Variants in SHOC2 observed in about 807,000 individuals in gnomAD.
The protein encoded by SHOC2 is SHOC2 leucine rich repeat scaffold protein.
A neutral mutation model predicts 50.2 loss-of-function variants in SHOC2; 4 were observed. That is an observed-to-expected ratio of 0.08 (90% CI 0.04 to 0.18). The LOEUF (loss-of-function observed/expected upper bound fraction) is 0.18, where lower values mean the gene tolerates loss of function less well. Among genes scored for constraint, SHOC2 ranks in the 10% least tolerant of loss-of-function variants. The probability of loss-of-function intolerance (pLI) is 1.00; values close to 1 mark genes in which losing one functional copy is unlikely to be tolerated. For missense variants in SHOC2, 388 were observed against 669.6 expected, an observed-to-expected ratio of 0.58 and a Z score of 4.64; for synonymous variants, 218 against 244.5, an observed-to-expected ratio of 0.89 and a Z score of 1.01.
intron 2 of SHOC2, among the ~76,000 whole-genome samples, chr10:110,980,322 A>T (rs935079712): frequency 6.6e-6 from 1 of 151,870 alleles, no homozygotes; most frequent in Non-Finnish European, 1.5e-5. Context: ...ATGCCCGGCT[A>T]ATTTTTTGTG....
Position 110,964,276 on chromosome 10 carries a change from A to C in SHOC2, c.-83A>C. On this transcript the variant is annotated 5_prime_UTR_variant, in exon 2 of 9. Transcript: ENST00000369452. This position sits in a 1 kb window ranked among gnomAD's most constrained non-coding sequence, Gnocchi z 4.9. The stretch of plus-strand genomic sequence containing the variant: ...CAAGCCAGTACTTTTTTGATTGTGT[A>C]GGATCTTTGTCTCTTCATCTTTGAA... The C allele has an allele frequency of 6.5e-7, 1 of 1,546,770 alleles. No individual in the cohort carries two copies. The highest frequency in any genetic ancestry group is 1.4e-5 in the African/African-American group (1 of 72,202).
At chr10:110,990,578 C>T (rs991207447) in intron 3 of SHOC2, among the ~76,000 whole-genome samples, 5 of 151,954 alleles carry the variant, frequency 3.3e-5, no homozygotes, top group South Asian at 2.1e-4. Flanking sequence ...CACCAATCAG[C>T]GCCCTGACAA....
intron 2 of SHOC2, among the ~76,000 whole-genome samples, chr10:110,972,921 T>C (rs1026714578): frequency 6.6e-6 from 1 of 152,140 alleles, no homozygotes; most frequent in Non-Finnish European, 1.5e-5. Context: ...TTACTTTCCA[T>C]GTGGCTGAGG....
At chr10:111,001,218 C>T (rs113196505) in intron 4 of SHOC2, among the ~76,000 whole-genome samples, 28 of 144,538 alleles carry the variant, frequency 1.9e-4, no homozygotes, top group Non-Finnish European at 3.3e-4. Context: ...AGTGCAATGG[C>T]GCGATCTTGG....
intron 1 of SHOC2, among the ~76,000 whole-genome samples, chr10:110,941,061 A>G (rs1266786137): frequency 6.6e-6 from 1 of 151,506 alleles, no homozygotes; most frequent in African/African-American, 2.4e-5. Flanking sequence ...CCTCCCAAGT[A>G]GCTGAGACAA....
At chr10:111,001,175 G>A (rs1218134943) in intron 4 of SHOC2, among the ~76,000 whole-genome samples, 2 of 42,380 alleles carry the variant, frequency 4.7e-5, no homozygotes, top group African/African-American at 7.4e-5. Flanking sequence ...TTTTTTTTTT[G>A]AGGCAGAGTT....
At chr10:111,006,846 G>T (rs1848478170) in intron 5 of SHOC2, among the ~76,000 whole-genome samples, 1 of 152,164 alleles carries the variant, frequency 6.6e-6, no homozygotes, top group Non-Finnish European at 1.5e-5. Context: ...AGTTGTTATT[G>T]ATGAAAGTAT....
chr10:110,929,671 C>A (rs1846850925), intron 1 of SHOC2, among the ~76,000 whole-genome samples: 1 of 152,172 alleles, frequency 6.6e-6, no homozygotes, highest in South Asian at 2.1e-4. Context: ...AGTGAGAGAG[C>A]AAGTTCTCTG....
At chr10:110,965,584 T>A (rs1847658120) in intron 2 of SHOC2, among the ~76,000 whole-genome samples, 1 of 152,158 alleles carries the variant, frequency 6.6e-6, no homozygotes, top group South Asian at 2.1e-4. Flanking sequence ...ATCTTGAAAG[T>A]ACTTACATGT....
Position 110,964,121 on chromosome 10 carries a change from T to C in SHOC2, c.-234-4T>C. On this transcript the variant is annotated splice_polypyrimidine_tract_variant and splice_region_variant and intron_variant, in intron 1 of 8. Transcript: ENST00000369452. The surrounding 1 kb of genome is among the most constrained non-coding windows in gnomAD (Gnocchi z 4.9). ...AATTTAATACTGTCTATATTATATT[T>C]CAGGAACTCTAATGAATCATTGATT... 5 of 564,208 alleles carry C rather than the reference T, an allele frequency of 8.9e-6. No homozygotes were observed. The highest frequency in any genetic ancestry group is 4.6e-4 in the Middle Eastern group (1 of 2,174). The allele number at this position is 564,208 out of a possible 1,614,324, so 35.0% of individuals were successfully genotyped here.
intron 1 of SHOC2, among the ~76,000 whole-genome samples, chr10:110,959,450 A>G (rs1847531491): frequency 3.9e-5 from 6 of 152,222 alleles, no homozygotes; most frequent in Admixed American, 6.5e-5. Context: ...TGGCCCATTA[A>G]ATGCCAGTAG....
At chr10:110,965,666 A>G (rs1378219182) in intron 2 of SHOC2, among the ~76,000 whole-genome samples, 1 of 152,172 alleles carries the variant, frequency 6.6e-6, no homozygotes, top group Non-Finnish European at 1.5e-5. Flanking sequence ...CACTGTTACC[A>G]TTTTGCTAAT....
intron 2 of SHOC2, among the ~76,000 whole-genome samples, chr10:110,984,246 T>G (rs899037343): frequency 6.6e-6 from 1 of 152,176 alleles, no homozygotes; most frequent in African/African-American, 2.4e-5. Flanking sequence ...CCCTAGTGAT[T>G]ACTGATGTTG....
At chr10:110,952,211 T>C (rs1430932578) in intron 1 of SHOC2, among the ~76,000 whole-genome samples, 1 of 152,192 alleles carries the variant, frequency 6.6e-6, no homozygotes, top group Non-Finnish European at 1.5e-5. Flanking sequence ...GTCTTCACTT[T>C]TAGATAAATT....
At position 111,012,119 on chromosome 10, in the gene SHOC2, G is replaced by A. The variant is rs1378832463; in HGVS notation, c.*301G>A. On this transcript the variant is annotated 3_prime_UTR_variant, in exon 9 of 9. Transcript: ENST00000369452. ...AAGTTATTAAATTTAAGGGACAGAG[G>A]TAGTATAGTTAGATATACTTTCTCT... 3.0e-6 allele frequency: 1 copy of A among 337,884 alleles called. No homozygotes were observed. The highest frequency in any genetic ancestry group is 5.5e-6 in the Non-Finnish European group (1 of 182,026). The allele number at this position is 337,884 out of a possible 1,614,324, so 20.9% of individuals were successfully genotyped here.
intron 1 of SHOC2, among the ~76,000 whole-genome samples, chr10:110,943,417 T>G (rs1421177636): frequency 1.3e-5 from 2 of 152,214 alleles, no homozygotes; most frequent in African/African-American, 4.8e-5. Context: ...TTGGTTCTTT[T>G]AAAAACAACT....
intron 1 of SHOC2, among the ~76,000 whole-genome samples, chr10:110,953,190 A>G (rs539481746): frequency 6.6e-6 from 1 of 152,286 alleles, no homozygotes; most frequent in Admixed American, 6.5e-5. Flanking sequence ...CCAGCAGTTT[A>G]AACGTGTTCC....
At chr10:110,993,777 T>G (rs182665126) in intron 3 of SHOC2, among the ~76,000 whole-genome samples, 1 of 152,214 alleles carries the variant, frequency 6.6e-6, no homozygotes, top group African/African-American at 2.4e-5. Flanking sequence ...CTGGTTCTAT[T>G]TACTAGGCTT....
At chr10:110,933,855 C>A (rs1265599754) in intron 1 of SHOC2, among the ~76,000 whole-genome samples, 1 of 152,050 alleles carries the variant, frequency 6.6e-6, no homozygotes, top group East Asian at 1.9e-4. Context: ...TCCAGTGATG[C>A]CCATATCTTT....
Sources: gnomAD v4.1 joint callset for allele counts (sites outside exome capture counted in the v4.1 genomes callset) on GRCh38, gnomAD v4.1.1 for gene constraint, Gnocchi (gnomAD v3.1) non-coding constraint, MANE v1.5 for transcripts, NCBI Gene and HGNC (gene_info 2026-07-23, HGNC 2026-07-21) for gene names.